UBE2D2: variants seen among roughly 807,000 people sequenced by gnomAD.
UBE2D2 encodes the protein ubiquitin conjugating enzyme E2 D2.
In UBE2D2, 2 loss-of-function variants were observed where a neutral mutation model predicts 24.2. The ratio of observed to expected loss-of-function variants is 0.08; its 90% CI spans 0.03 to 0.26. UBE2D2 has a LOEUF of 0.26. UBE2D2 is among the 10% of genes least tolerant of loss of function. The pLI is 1.00. For missense variants in UBE2D2, 44 were observed against 177.6 expected (o/e 0.25, Z 4.28); for synonymous variants, 58 against 56.5 (o/e 1.03, Z -0.12).
chr5:139,575,872 G>A (rs1181537467), intron 1 of UBE2D2, among the ~76,000 whole-genome samples: 2 of 152,146 alleles, frequency 1.3e-5, no homozygotes, highest in Non-Finnish European at 2.9e-5. Flanking sequence ...GCAAAACTTA[G>A]CCAGGTTTGG....
chr5:139,549,679 C>G (rs1221050864), intron 1 of UBE2D2, among the ~76,000 whole-genome samples: 1 of 152,242 alleles, frequency 6.6e-6, no homozygotes, highest in East Asian at 1.9e-4. Flanking sequence ...GCGCCACCCC[C>G]TGCTCCGCGG....
At chr5:139,569,632 T>C (rs759929407) in intron 1 of UBE2D2, among the ~76,000 whole-genome samples, 4 of 152,194 alleles carry the variant, frequency 2.6e-5, no homozygotes, top group Non-Finnish European at 5.9e-5. Context: ...AAGTAGTGTT[T>C]GTTCTTCTGT....
At position 139,596,092 on chromosome 5, in the gene UBE2D2, G is replaced by A. The variant is rs1258430498; in HGVS notation, c.25-4280G>A. 2.0e-5 allele frequency among the ~76,000 whole-genome samples: 3 copies of A among 147,370 alleles called. 1 individual carries two copies. The South Asian group carries it at 6.5e-4, about 32-fold the overall frequency. On this transcript the variant is annotated intron_variant, in intron 1 of 6. Transcript: ENST00000398733. Reference sequence around the variant, plus strand: ...TATTTTTAGTAGAGATGGGGTTTCAGCATGTTGGCCAGGCTGGTCTCGAAC... The same window carrying A: ...TATTTTTAGTAGAGATGGGGTTTCAACATGTTGGCCAGGCTGGTCTCGAAC...
upstream of UBE2D2, among the ~76,000 whole-genome samples, chr5:139,558,892 C>G (rs537424842): frequency 6.6e-6 from 1 of 152,058 alleles, no homozygotes; most frequent in South Asian, 2.1e-4. Context: ...TTTTGACCAC[C>G]CAGGCTCAAG....
intron 1 of UBE2D2, among the ~76,000 whole-genome samples, chr5:139,533,947 T>C (rs1255364267): frequency 6.6e-6 from 1 of 151,366 alleles, no homozygotes; most frequent in Non-Finnish European, 1.5e-5. Flanking sequence ...CAAGCCTGGC[T>C]AATTTTTGTA....
chr5:139,548,270 T>C (rs2126636966), intron 1 of UBE2D2, among the ~76,000 whole-genome samples: 1 of 150,802 alleles, frequency 6.6e-6, no homozygotes, highest in South Asian at 2.1e-4. Flanking sequence ...GCAACTCATA[T>C]ATGCACGGCC....
chr5:139,580,034 A>C (rs1753560623), intron 1 of UBE2D2, among the ~76,000 whole-genome samples: 1 of 147,180 alleles, frequency 6.8e-6, no homozygotes, highest in Non-Finnish European at 1.5e-5. Flanking sequence ...CAACAGAGCG[A>C]GACTCCCTCT....
chr5:139,598,919 CTTTTTT>C (rs36027909), intron 1 of UBE2D2, among the ~76,000 whole-genome samples: 3 of 76,208 alleles, frequency 3.9e-5, no homozygotes, highest in South Asian at 5.3e-4. Flanking sequence ...AAATATATTC[CTTTTTT>C]TTTTTTTTTT....
chr5:139,573,980 A>AT (rs1267842607), intron 1 of UBE2D2, among the ~76,000 whole-genome samples: 1 of 152,060 alleles, frequency 6.6e-6, no homozygotes, highest in Non-Finnish European at 1.5e-5. Context: ...AAATAAATAA[A>AT]TAAATAAATA....
At chr5:139,605,358 C>T (rs1014191696) in intron 2 of UBE2D2, among the ~76,000 whole-genome samples, 13 of 151,732 alleles carry the variant, frequency 8.6e-5, no homozygotes, top group Admixed American at 4.6e-4. Context: ...TTTGGGAGGC[C>T]GAGGCGGGCG....
intron 1 of UBE2D2, among the ~76,000 whole-genome samples, chr5:139,579,118 C>G (rs756293254): frequency 6.6e-6 from 1 of 152,044 alleles, no homozygotes; most frequent in Non-Finnish European, 1.5e-5. Flanking sequence ...CAGGTGTGTG[C>G]CACCACACCC....
intron 1 of UBE2D2, among the ~76,000 whole-genome samples, chr5:139,541,314 C>T (rs367555745): frequency 9.4e-4 from 132 of 141,072 alleles, no homozygotes; most frequent in African/African-American, 3.2e-3. Context: ...AAAAAAAAAG[C>T]GGGGGGACCG....
intron 1 of UBE2D2, chr5:139,562,366 C>A: frequency 1.5e-6 from 2 of 1,335,614 alleles, no homozygotes; most frequent in Non-Finnish European, 2.0e-6. Context: ...CCTGCTTGTC[C>A]AGAAACTGTT....
Position 139,550,434 on chromosome 5 carries a change from C to T in UBE2D2, c.-64+23822C>T, listed in dbSNP as rs112593486. Among the ~76,000 whole-genome samples, 485 of 152,190 alleles carry T rather than the reference C, an allele frequency of 3.2e-3. 4 individuals carry two copies. The highest frequency in any genetic ancestry group is 0.015 in the South Asian group (73 of 4,814). On this transcript the variant is annotated intron_variant, in intron 1 of 6. Transcript: ENST00000511725. ...GCTGTCTGTAAAATGGACCAATCAG[C>T]GCTCTGTAAAATGGACCAATCAGCT...
chr5:139,618,034 C>T (rs1353428610), intron 5 of UBE2D2, among the ~76,000 whole-genome samples: 8 of 151,468 alleles, frequency 5.3e-5, no homozygotes, highest in African/African-American at 1.9e-4. Context: ...AGTGCAGTGG[C>T]GCAATCTCGG....
chr5:139,561,417 C>T lies in UBE2D2; in HGVS notation c.-375C>T, dbSNP rs1329777797. 2 of 217,788 alleles carry T rather than the reference C, an allele frequency of 9.2e-6. No homozygotes were observed. The highest frequency in any genetic ancestry group is 4.6e-5 in the African/African-American group (2 of 43,748). The allele number at this position is 217,788 out of a possible 1,614,324, so 13.5% of individuals were successfully genotyped here. A position where few individuals can be genotyped will look rare whatever the true frequency, so the allele number is the denominator to read the frequency against. On this transcript the variant is annotated 5_prime_UTR_variant, in exon 1 of 7. Coordinates refer to ENST00000398733, the MANE Select transcript of UBE2D2 (RefSeq NM_003339.3). ...CAGCAGGGAGGAAGACAGGCAATCCCTCCGGCTGTCCGACCAAGAGAGGCC... is the reference window on the plus strand; with the variant it reads ...CAGCAGGGAGGAAGACAGGCAATCCTTCCGGCTGTCCGACCAAGAGAGGCC...
At chr5:139,572,864 G>C (rs569195991) in intron 1 of UBE2D2, among the ~76,000 whole-genome samples, 1 of 151,998 alleles carries the variant, frequency 6.6e-6, no homozygotes, top group African/African-American at 2.4e-5. Flanking sequence ...GGCTGGTCTT[G>C]AACTCCTGGC....
intron 1 of UBE2D2, among the ~76,000 whole-genome samples, chr5:139,590,782 CTTT>C (rs57962602): frequency 2.9e-4 from 11 of 38,402 alleles, no homozygotes; most frequent in Admixed American, 1.0e-3. Flanking sequence ...TTCTCTTCTT[CTTT>C]TTTTTTTTTT....
At chr5:139,573,968 CTAAA>C (rs570547406) in intron 1 of UBE2D2, among the ~76,000 whole-genome samples, 21 of 151,350 alleles carry the variant, frequency 1.4e-4, no homozygotes, top group South Asian at 6.3e-4. Context: ...GAGACTGTCT[CTAAA>C]TAAATAAATA....
Sources: allele counts gnomAD v4.1 joint callset (sites outside exome capture counted in the v4.1 genomes callset), GRCh38; gene constraint gnomAD v4.1.1; transcripts MANE v1.5; gene names NCBI Gene and HGNC (gene_info 2026-07-23, HGNC 2026-07-21).